Variants in CDH18 observed in about 807,000 individuals in gnomAD.
The protein encoded by CDH18 is cadherin 18.
A neutral mutation model predicts 67.9 loss-of-function variants in CDH18; 31 were observed. The ratio of observed to expected loss-of-function variants is 0.46; its 90% confidence interval spans 0.34 to 0.62. The LOEUF (loss-of-function observed/expected upper bound fraction) is 0.62, where lower values mean the gene tolerates loss of function less well. Among genes scored for constraint, CDH18 ranks in the 20% least tolerant of loss-of-function variants. The pLI is 0.01. For missense variants in CDH18, 890 were observed against 975.5 expected (o/e 0.91, Z 1.17); for synonymous variants, 362 against 347.2 (o/e 1.04, Z -0.48).
intron 3 of CDH18, among the ~76,000 whole-genome samples, chr5:19,816,939 A>T (rs1203346751): frequency 6.6e-6 from 1 of 151,948 alleles, no homozygotes; most frequent in South Asian, 2.1e-4. Context: ...TTAAAAGACA[A>T]ATGTCAACTG....
At chr5:19,570,773 T>C in intron 8 of CDH18, among the ~76,000 whole-genome samples, 1 of 152,228 alleles carries the variant, frequency 6.6e-6, no homozygotes, top group East Asian at 1.9e-4. Flanking sequence ...CAGCATGATG[T>C]ACTAAACTAA....
intron 1 of CDH18, among the ~76,000 whole-genome samples, chr5:20,432,772 G>T (rs1748849516): frequency 6.6e-6 from 1 of 151,510 alleles, no homozygotes; most frequent in African/African-American, 2.4e-5. Context: ...TTCTTTAAAG[G>T]CTTTAAAGGC....
chr5:19,953,000 T>C (rs1430528164), intron 2 of CDH18, among the ~76,000 whole-genome samples: 3 of 152,136 alleles, frequency 2.0e-5, no homozygotes, highest in Non-Finnish European at 4.4e-5. Flanking sequence ...CACATATTTA[T>C]CTACACAATT....
chr5:20,186,948 A>G (rs916434549), intron 2 of CDH18, among the ~76,000 whole-genome samples: 2 of 151,954 alleles, frequency 1.3e-5, no homozygotes, highest in African/African-American at 4.8e-5. Context: ...TGTACAAGGC[A>G]CTATTACCCA....
intron 1 of CDH18, among the ~76,000 whole-genome samples, chr5:20,320,738 G>T (rs1188843490): frequency 6.6e-6 from 1 of 152,154 alleles, no homozygotes; most frequent in African/African-American, 2.4e-5. Flanking sequence ...CAGAGACCCA[G>T]CTCCGTAGCT....
chr5:20,306,952 A>G lies in CDH18; in HGVS notation c.-579-51447T>C, dbSNP rs1394746720. ...ATGAATTTATGCCATAGTTATAGGA[A>G]AAAATAACATTTAAATCATTCAAAT... On this transcript the variant is annotated intron_variant, in intron 1 of 14. Coordinates refer to the CDH18 transcript ENST00000507958. Among the ~76,000 whole-genome samples the G allele has an allele frequency of 5.5e-5, 3 of 54,868 alleles. No individual in the cohort carries two copies. The East Asian group carries it at 8.8e-4, about 16-fold the overall frequency. 36.0% of individuals were successfully genotyped at this position (54,868 alleles called of 152,430 possible). A position where few individuals can be genotyped will look rare whatever the true frequency, so the allele number is the denominator to read the frequency against.
At chr5:19,854,014 A>G (rs931822121) in intron 2 of CDH18, among the ~76,000 whole-genome samples, 4 of 152,180 alleles carry the variant, frequency 2.6e-5, no homozygotes, top group Admixed American at 2.6e-4. Context: ...GTGCTGAAGA[A>G]TGCCACCCTA....
At chr5:19,805,248 G>A (rs932341291) in intron 3 of CDH18, among the ~76,000 whole-genome samples, 12 of 151,936 alleles carry the variant, frequency 7.9e-5, no homozygotes, top group Non-Finnish European at 8.8e-5. Context: ...ATTTCTAGCC[G>A]AAAATATATC....
At chr5:19,524,931 G>A (rs578119413) in intron 9 of CDH18, among the ~76,000 whole-genome samples, 7 of 152,190 alleles carry the variant, frequency 4.6e-5, no homozygotes, top group Non-Finnish European at 1.0e-4. Context: ...GTTTTTAGTA[G>A]AGACGGGGTT....
At chr5:20,432,070 T>C (rs1040836492) in intron 1 of CDH18, among the ~76,000 whole-genome samples, 1 of 152,150 alleles carries the variant, frequency 6.6e-6, no homozygotes, top group Non-Finnish European at 1.5e-5. Flanking sequence ...ACAGATTATC[T>C]GAAAACTAGA....
At chr5:20,319,835 T>G (rs1737831686) in intron 1 of CDH18, among the ~76,000 whole-genome samples, 1 of 152,228 alleles carries the variant, frequency 6.6e-6, no homozygotes, top group African/African-American at 2.4e-5. Flanking sequence ...TAATCATTTC[T>G]GGGGAGAGTC....
chr5:20,311,189 C>CTTT, intron 1 of CDH18, among the ~76,000 whole-genome samples: 1 of 152,118 alleles, frequency 6.6e-6, no homozygotes. Context: ...CGCTTTTACA[C>CTTT]TTTTGGTGGG....
chr5:20,411,319 G>A (rs1461796610), intron 1 of CDH18, among the ~76,000 whole-genome samples: 3 of 151,914 alleles, frequency 2.0e-5, no homozygotes, highest in Non-Finnish European at 4.4e-5. Flanking sequence ...GCTGTTGTTG[G>A]ACAAAAGTGC....
intron 5 of CDH18, among the ~76,000 whole-genome samples, chr5:19,615,152 G>GAAAA (rs10585212): frequency 6.9e-6 from 1 of 144,508 alleles, no homozygotes; most frequent in East Asian, 2.1e-4. Context: ...TCTCAAAAAA[G>GAAAA]AAAAAAAAAA....
chr5:19,740,141 TATA>T (rs541559618), intron 4 of CDH18, among the ~76,000 whole-genome samples: 16 of 152,192 alleles, frequency 1.1e-4, no homozygotes, highest in Non-Finnish European at 2.2e-4. Flanking sequence ...TCTGTTAAAA[TATA>T]ATATTTATTC....
At chr5:20,471,611 C>A (rs1455637295) in intron 1 of CDH18, among the ~76,000 whole-genome samples, 1 of 151,600 alleles carries the variant, frequency 6.6e-6, no homozygotes, top group Non-Finnish European at 1.5e-5. Flanking sequence ...ACCAGCCTGG[C>A]CAATATGGTG....
At chr5:19,888,005 A>G (rs1161384608) in intron 2 of CDH18, among the ~76,000 whole-genome samples, 1 of 152,096 alleles carries the variant, frequency 6.6e-6, no homozygotes, top group African/African-American at 2.4e-5. Context: ...CACCTATATC[A>G]CAAATTATAT....
At chr5:20,461,560 C>T (rs1751269306) in intron 1 of CDH18, among the ~76,000 whole-genome samples, 1 of 152,084 alleles carries the variant, frequency 6.6e-6, no homozygotes, top group Non-Finnish European at 1.5e-5. Context: ...GGCTGCTTTT[C>T]AGCCCCTTTC....
chr5:19,726,397 A>T (rs1766848743), intron 4 of CDH18, among the ~76,000 whole-genome samples: 1 of 152,310 alleles, frequency 6.6e-6, no homozygotes. Context: ...AAAGAGCAAC[A>T]AATCGCCTCG....
Sources: allele counts gnomAD v4.1 joint callset (sites outside exome capture counted in the v4.1 genomes callset), GRCh38; gene constraint gnomAD v4.1.1; transcripts MANE v1.5; gene names NCBI Gene and HGNC (gene_info 2026-07-23, HGNC 2026-07-21).